POLA1: variants seen among roughly 807,000 people sequenced by gnomAD.
POLA1 encodes DNA polymerase alpha 1, catalytic subunit.
In POLA1, 15 loss-of-function variants were observed where a neutral mutation model predicts 124.0. The observed-to-expected ratio is 0.12, with a 90% CI of 0.08 to 0.19. The LOEUF (loss-of-function observed/expected upper bound fraction) is 0.19. POLA1 is among the 10% of genes least tolerant of loss of function. POLA1 has a pLI of 1.00. For missense variants in POLA1, 886 were observed against 1,103.4 expected, an observed-to-expected ratio of 0.80 and a Z score of 2.79; for synonymous variants, 408 against 389.4, an observed-to-expected ratio of 1.05 and a Z score of -0.56.
chrX:24,966,997 G>A (rs1356728785), intron 36 of POLA1, among the ~76,000 whole-genome samples: 1 of 111,293 alleles, frequency 9.0e-6, no homozygotes, highest in African/African-American at 3.3e-5. Flanking sequence ...TAACATTTTG[G>A]TGTTGAATTT....
chrX:24,766,961 G>A (rs2148432294), intron 26 of POLA1, among the ~76,000 whole-genome samples: 1 of 112,017 alleles, frequency 8.9e-6, no homozygotes, highest in African/African-American at 3.2e-5. Context: ...CAGTGCATGT[G>A]TTCTGTGTTT....
At chrX:24,880,889 A>G (rs187021384) in intron 34 of POLA1, among the ~76,000 whole-genome samples, 23 of 111,822 alleles carry the variant, frequency 2.1e-4, no homozygotes, top group East Asian at 5.6e-4. Flanking sequence ...ATTGAAAACT[A>G]GTAATAATCT....
At chrX:24,854,828 CAAAA>C (rs1351936669) in intron 34 of POLA1, among the ~76,000 whole-genome samples, 1 of 59,505 alleles carries the variant, frequency 1.7e-5, no homozygotes, top group Non-Finnish European at 3.3e-5. Flanking sequence ...GACTCCATCT[CAAAA>C]AAAAAAAAAG....
intron 26 of POLA1, among the ~76,000 whole-genome samples, chrX:24,749,737 G>C (rs1452493169): frequency 8.9e-6 from 1 of 111,987 alleles, no homozygotes; most frequent in Non-Finnish European, 1.9e-5. Context: ...CAGAATTCCA[G>C]GAATACATCA....
chrX:24,736,582 T>C (rs771630301), intron 18 of POLA1, among the ~76,000 whole-genome samples: 2 of 112,240 alleles, frequency 1.8e-5, no homozygotes, highest in Non-Finnish European at 3.8e-5. Flanking sequence ...CTAGGTATTA[T>C]AATTTGTAAG....
chrX:24,777,334 CTT>C (rs1210626179), intron 26 of POLA1, among the ~76,000 whole-genome samples: 1 of 112,385 alleles, frequency 8.9e-6, no homozygotes, highest in East Asian at 2.8e-4. Flanking sequence ...GAGCAACTAA[CTT>C]TGGTGTGTAG....
At chrX:24,741,726 C>CT (rs1211130850) in intron 21 of POLA1, among the ~76,000 whole-genome samples, 2 of 111,294 alleles carry the variant, frequency 1.8e-5, no homozygotes, top group African/African-American at 6.5e-5. Context: ...GATCATCTCT[C>CT]TAACATCTGG....
chrX:24,861,226 C>G, intron 34 of POLA1, among the ~76,000 whole-genome samples: 1 of 112,162 alleles, frequency 8.9e-6, no homozygotes, highest in Admixed American at 9.4e-5. Context: ...TCTGCCTCCC[C>G]AGCTCAAGCG....
At chrX:24,695,276 C>A (rs768086092) in intron 1 of POLA1, among the ~76,000 whole-genome samples, 3 of 110,969 alleles carry the variant, frequency 2.7e-5, no homozygotes, top group Non-Finnish European at 3.8e-5. Context: ...AATATTTAAA[C>A]CTTTGTAGCT....
Position 24,793,796 on chromosome X carries a change from G to A in POLA1, c.2965-16102G>A, listed in dbSNP as rs777046589. 1.5e-4 allele frequency among the ~76,000 whole-genome samples: 16 copies of A among 109,776 alleles called. No homozygotes were observed. In the South Asian group the frequency reaches 6.4e-3, roughly 44 times the overall value. On this transcript the variant is annotated intron_variant, in intron 26 of 36. Coordinates refer to ENST00000379068, the MANE Select transcript of POLA1 (RefSeq NM_001330360.2). ...GATGGGGTTTCACCATGTTGGCCAG[G>A]CTGGTGTTGAACTCCTGACCTCAGG... is the stretch of plus-strand genomic sequence containing the variant.
intron 36 of POLA1, among the ~76,000 whole-genome samples, chrX:24,949,180 C>T (rs979754001): frequency 2.7e-5 from 3 of 112,011 alleles, no homozygotes; most frequent in East Asian, 2.8e-4. Context: ...AACCAGAGGT[C>T]GCATAGTAGC....
At chrX:24,730,468 A>G (rs1283636360) in intron 15 of POLA1, among the ~76,000 whole-genome samples, 1 of 110,089 alleles carries the variant, frequency 9.1e-6, no homozygotes, top group African/African-American at 3.3e-5. Context: ...CTAGTCCCAA[A>G]CTCCTGACCT....
intron 34 of POLA1, among the ~76,000 whole-genome samples, chrX:24,858,764 AG>A (rs1489428577): frequency 8.9e-6 from 1 of 112,431 alleles, no homozygotes; most frequent in East Asian, 2.8e-4. Flanking sequence ...TGTCTACACA[AG>A]CATGTCAGTA....
chrX:24,810,907 A>G, intron 28 of POLA1, 107 bp downstream of exon 28: 1 of 441,866 alleles, frequency 2.3e-6, no homozygotes, highest in East Asian at 4.2e-5. Context: ...GCTTCTGAAA[A>G]TAATAAACTT....
intron 26 of POLA1, among the ~76,000 whole-genome samples, chrX:24,781,307 C>T (rs1216097563): frequency 9.0e-6 from 1 of 111,449 alleles, no homozygotes; most frequent in Non-Finnish European, 1.9e-5. Flanking sequence ...TTTCGTTGTG[C>T]TCCAGTGCCT....
At chrX:24,819,718 A>C (rs57600932) in intron 30 of POLA1, among the ~76,000 whole-genome samples, 1 of 110,531 alleles carries the variant, frequency 9.0e-6, no homozygotes, top group African/African-American at 3.3e-5. Context: ...CACATGTGCC[A>C]TGGTGGTTTG....
intron 36 of POLA1, among the ~76,000 whole-genome samples, chrX:24,931,045 C>G (rs2047769710): frequency 9.0e-6 from 1 of 111,401 alleles, no homozygotes; most frequent in Non-Finnish European, 1.9e-5. Flanking sequence ...CCCGTATGAT[C>G]AGCTGTTGCA....
At chrX:24,838,065 A>G (rs770522152) in intron 32 of POLA1, among the ~76,000 whole-genome samples, 14 of 111,931 alleles carry the variant, frequency 1.3e-4, no homozygotes, top group Non-Finnish European at 1.1e-4. Context: ...ATGGTTAGAA[A>G]GTGCAATGGT....
At chrX:24,801,928 T>TGG (rs2045716756) in intron 26 of POLA1, among the ~76,000 whole-genome samples, 1 of 91,463 alleles carries the variant, frequency 1.1e-5, no homozygotes, top group Non-Finnish European at 2.2e-5. Flanking sequence ...TGGGTGGGTG[T>TGG]GTGTGTGTGT....
Sources: allele counts gnomAD v4.1 joint callset (sites outside exome capture counted in the v4.1 genomes callset), GRCh38; gene constraint gnomAD v4.1.1; transcripts MANE v1.5; gene names NCBI Gene and HGNC (gene_info 2026-07-23, HGNC 2026-07-21).